The following PPP1R12B variants were observed in gnomAD, a reference collection of about 807,000 sequenced individuals.
The protein encoded by PPP1R12B is protein phosphatase 1 regulatory subunit 12B.
Under a neutral mutation model 126.1 loss-of-function variants are expected in PPP1R12B, and 76 were observed. The observed-to-expected ratio is 0.60, with a 90% CI of 0.50 to 0.73. The LOEUF (loss-of-function observed/expected upper bound fraction) is 0.73. Among genes scored for constraint, PPP1R12B ranks in the 30% least tolerant of loss-of-function variants. PPP1R12B has a pLI of 0.00. For synonymous variants in PPP1R12B, 356 were observed against 434.7 expected, an observed-to-expected ratio of 0.82 and a Z score of 2.25; for missense variants, 1,052 against 1,205.1, an observed-to-expected ratio of 0.87 and a Z score of 1.88.
intron 1 of PPP1R12B, among the ~76,000 whole-genome samples, chr1:202,373,460 T>A (rs186421406): frequency 1.3e-5 from 2 of 152,310 alleles, no homozygotes; most frequent in Non-Finnish European, 2.9e-5. Flanking sequence ...CTCTTACACT[T>A]GGGTCTTTGA....
intron 18 of PPP1R12B, among the ~76,000 whole-genome samples, chr1:202,527,979 T>C (rs770562909): frequency 2.0e-5 from 3 of 152,188 alleles, no homozygotes; most frequent in Non-Finnish European, 2.9e-5. Context: ...GTTTTAAGGA[T>C]TGGACCTTTG....
At chr1:202,556,576 C>T (rs961461076) in intron 18 of PPP1R12B, among the ~76,000 whole-genome samples, 5 of 152,222 alleles carry the variant, frequency 3.3e-5, no homozygotes, top group African/African-American at 1.2e-4. Context: ...GTGTGTTTCT[C>T]TAATATGATC....
intron 1 of PPP1R12B, among the ~76,000 whole-genome samples, chr1:202,390,447 T>C (rs1663954676): frequency 6.6e-6 from 1 of 152,176 alleles, no homozygotes; most frequent in Non-Finnish European, 1.5e-5. Flanking sequence ...TATGTCACCA[T>C]AGCATGAGCA....
chr1:202,473,699 G>A (rs1251491467), intron 13 of PPP1R12B, among the ~76,000 whole-genome samples: 1 of 152,202 alleles, frequency 6.6e-6, no homozygotes, highest in Admixed American at 6.5e-5. Context: ...TGGCTCTGCC[G>A]AGGCCCAAGA....
At chr1:202,351,166 A>G (rs562844315) in intron 1 of PPP1R12B, among the ~76,000 whole-genome samples, 1 of 151,896 alleles carries the variant, frequency 6.6e-6, no homozygotes, top group South Asian at 2.1e-4. Flanking sequence ...ATTACAAGTC[A>G]GTTTCCGAAG....
intron 13 of PPP1R12B, among the ~76,000 whole-genome samples, chr1:202,468,729 G>A (rs188322678): frequency 2.5e-4 from 38 of 152,268 alleles, no homozygotes; most frequent in Middle Eastern, 3.4e-3. Context: ...TGAGGCGGGC[G>A]GATCACCTGA....
chr1:202,478,174 G>T (rs1449315566), intron 13 of PPP1R12B, among the ~76,000 whole-genome samples: 2 of 152,200 alleles, frequency 1.3e-5, no homozygotes, highest in South Asian at 2.1e-4. Flanking sequence ...TTCTATAAAG[G>T]TTCAGATAGT....
At chr1:202,488,887 A>G (rs1324993152) in intron 14 of PPP1R12B, among the ~76,000 whole-genome samples, 2 of 152,198 alleles carry the variant, frequency 1.3e-5, no homozygotes, top group Non-Finnish European at 2.9e-5. Flanking sequence ...TACTAAAAAT[A>G]TGAAAATTAG....
At chr1:202,358,606 C>T (rs530078368) in intron 1 of PPP1R12B, among the ~76,000 whole-genome samples, 9 of 150,966 alleles carry the variant, frequency 6.0e-5, no homozygotes, top group East Asian at 2.0e-4. Context: ...CACTTGAACC[C>T]GGGAGGTGGA....
At chr1:202,444,750 C>A (rs538822866) in intron 12 of PPP1R12B, among the ~76,000 whole-genome samples, 93 of 152,240 alleles carry the variant, frequency 6.1e-4, no homozygotes, top group African/African-American at 2.0e-3. Context: ...ATTCTACTTT[C>A]CTGCTTTCCC....
rs145747948 is a variant in PPP1R12B, at chr1:202,402,833, C to T, written c.292-13954C>T. On this transcript the variant is annotated intron_variant, in intron 1 of 23. Coordinates refer to ENST00000608999, the MANE Select transcript of PPP1R12B (RefSeq NM_002481.4). ...ATGTATACCTAAGATTCGTGCTTTTCACTGTATGTAAATTTTACTTCAAAA... is the reference window on the plus strand; with the variant it reads ...ATGTATACCTAAGATTCGTGCTTTTTACTGTATGTAAATTTTACTTCAAAA... Among the ~76,000 whole-genome samples the T allele has an allele frequency of 4.5e-3, 688 of 152,228 alleles. 7 individuals are homozygous for T. The highest frequency in any genetic ancestry group is 0.015 in the African/African-American group (632 of 41,530).
intron 18 of PPP1R12B, among the ~76,000 whole-genome samples, chr1:202,523,031 C>CATA (rs1364123494): frequency 7.9e-5 from 12 of 152,284 alleles, no homozygotes; most frequent in African/African-American, 2.9e-4. Context: ...AGAATTTGAA[C>CATA]AGCATAATTA....
At chr1:202,501,897 A>T in intron 18 of PPP1R12B, 1 of 984,660 alleles carries the variant, frequency 1.0e-6, no homozygotes, top group South Asian at 4.7e-5. Flanking sequence ...GTAGCATCTC[A>T]CCTCCTTGAG....
intron 7 of PPP1R12B, 85 bp downstream of exon 7, chr1:202,430,895 A>G: frequency 6.6e-7 from 1 of 1,518,798 alleles, no homozygotes; most frequent in South Asian, 1.3e-5. Context: ...AAGTGAAGAA[A>G]CTCTGTGTTT....
In PPP1R12B at chr1:202,432,857, C is replaced by T. The variant is rs182089538; in HGVS notation, c.1141+1238C>T. 2.0e-3 allele frequency among the ~76,000 whole-genome samples: 305 copies of T among 152,290 alleles called. 2 individuals carry two copies. Among genetic ancestry groups the T allele is most frequent in the Non-Finnish European group, 3.4e-3 (228 of 68,026 alleles). Reference sequence around the variant, plus strand: ...TCTGAACTCTGCCATGGCTGGCCTACCTATAATGAAGATATTTAACTTACT... The same window carrying T: ...TCTGAACTCTGCCATGGCTGGCCTATCTATAATGAAGATATTTAACTTACT... On this transcript the variant is annotated intron_variant, in intron 8 of 23. Transcript: ENST00000608999.
At chr1:202,366,159 A>G (rs1659189627) in intron 1 of PPP1R12B, among the ~76,000 whole-genome samples, 1 of 152,204 alleles carries the variant, frequency 6.6e-6, no homozygotes, top group South Asian at 2.1e-4. Context: ...ATGTCATGGT[A>G]TACACAGAAG....
chr1:202,439,488 C>A, intron 10 of PPP1R12B: 1 of 1,513,904 alleles, frequency 6.6e-7, no homozygotes, highest in Non-Finnish European at 9.0e-7. Flanking sequence ...CTGGTCCAGC[C>A]CATGGAAGTG....
intron 18 of PPP1R12B, chr1:202,502,824 G>A (rs1181098821): frequency 3.9e-5 from 6 of 152,088 alleles, no homozygotes; most frequent in Admixed American, 3.3e-4. Context: ...GGATATGTAG[G>A]GGTAGAGTGT....
At chr1:202,512,265 C>T (rs571925841) in intron 18 of PPP1R12B, among the ~76,000 whole-genome samples, 152 of 152,218 alleles carry the variant, frequency 1.0e-3, no homozygotes, top group African/African-American at 3.4e-3. Flanking sequence ...ACACACATAC[C>T]CCTTTATACC....
Sources: gnomAD v4.1 joint callset for allele counts (sites outside exome capture counted in the v4.1 genomes callset) on GRCh38, gnomAD v4.1.1 for gene constraint, MANE v1.5 for transcripts, NCBI Gene and HGNC (gene_info 2026-07-23, HGNC 2026-07-21) for gene names.